IL2RB: variants seen among roughly 807,000 people sequenced by gnomAD.
The protein encoded by IL2RB is interleukin 2 receptor subunit beta, also known as interleukin-2 receptor subunit beta.
IL2RB carries 17 observed loss-of-function variants against 44.2 expected under a neutral mutation model. The ratio of observed to expected loss-of-function variants is 0.38; its 90% CI spans 0.26 to 0.58. The LOEUF is 0.58. Among genes scored for constraint, IL2RB ranks in the 20% least tolerant of loss-of-function variants. The pLI, the probability that IL2RB is intolerant of heterozygous loss-of-function variation, is 0.63. For missense variants in IL2RB, 624 were observed against 685.5 expected, an observed-to-expected ratio of 0.91 and a Z score of 1.00; for synonymous variants, 286 against 297.9, an observed-to-expected ratio of 0.96 and a Z score of 0.41.
intron 6 of IL2RB, 114 bp from the exon 7 acceptor site, chr22:37,136,507 C>T: frequency 4.4e-6 from 5 of 1,143,638 alleles, no homozygotes; most frequent in Non-Finnish European, 6.0e-6. Flanking sequence ...CACTTCCTTG[C>T]CACCCAAAGC....
At chr22:37,143,745 G>T (rs949607894) in intron 2 of IL2RB, 110 bp from the exon 3 acceptor site, 1 of 792,436 alleles carries the variant, frequency 1.3e-6, no homozygotes. Context: ...GAGGAGGTGG[G>T]TAACTCTGGC....
chr22:37,158,278 G>A (rs940774375), intron 1 of IL2RB, among the ~76,000 whole-genome samples: 21 of 151,976 alleles, frequency 1.4e-4, no homozygotes, highest in Admixed American at 8.5e-4. Context: ...GGCTGGGCGC[G>A]GTGGCTTATG....
intron 5 of IL2RB, 108 bp downstream of exon 5, chr22:37,139,009 G>C (rs1398880940): frequency 1.4e-6 from 1 of 717,584 alleles, no homozygotes; most frequent in Non-Finnish European, 2.5e-6. Context: ...TCAGATGTGG[G>C]TGTGGAAGCT....
intron 9 of IL2RB, among the ~76,000 whole-genome samples, chr22:37,132,072 A>G (rs1369846476): frequency 6.6e-6 from 1 of 152,142 alleles, no homozygotes; most frequent in Non-Finnish European, 1.5e-5. Context: ...GTGCCAGGCA[A>G]TGTACTCAGG....
intron 1 of IL2RB, among the ~76,000 whole-genome samples, chr22:37,158,130 C>T (rs1404970068): frequency 6.6e-6 from 1 of 152,140 alleles, no homozygotes; most frequent in Non-Finnish European, 1.5e-5. Flanking sequence ...ATGTTGAACA[C>T]GTGTGTACAA....
chr22:37,159,930 C>T (rs1818116665), intron 1 of IL2RB, among the ~76,000 whole-genome samples: 1 of 152,368 alleles, frequency 6.6e-6, no homozygotes, highest in Admixed American at 6.5e-5. Flanking sequence ...CACATAGTGC[C>T]CAGCCTTGTT....
In IL2RB at chr22:37,126,551, A is replaced by C. The variant is rs1921120382; in HGVS notation, c.*1545T>G. The C allele has an allele frequency of 6.6e-6, 1 of 152,196 alleles. No individual in the cohort carries two copies. The highest frequency in any genetic ancestry group is 1.5e-5 in the Non-Finnish European group (1 of 68,042). 9.4% of individuals were successfully genotyped at this position (152,196 alleles called of 1,614,324 possible). On this transcript the variant is annotated 3_prime_UTR_variant, in exon 10 of 10. Coordinates refer to ENST00000216223, the MANE Select transcript of IL2RB (RefSeq NM_000878.5). ...TGATTGGCTAGTTCAGGCCCAGCCT[A>C]CCTGATTGGACAGAGCTTGGTGCCA...
intron 1 of IL2RB, among the ~76,000 whole-genome samples, chr22:37,148,453 G>A (rs537125705): frequency 8.5e-5 from 13 of 152,286 alleles, no homozygotes; most frequent in African/African-American, 2.9e-4. Context: ...CACGTGCCCT[G>A]TCGTTCATGA....
intron 9 of IL2RB, among the ~76,000 whole-genome samples, chr22:37,131,541 A>G (rs966429419): frequency 6.6e-6 from 1 of 152,198 alleles, no homozygotes; most frequent in African/African-American, 2.4e-5. Flanking sequence ...GCACTTTAAA[A>G]ATGAATCGGT....
chr22:37,139,992 G>A (rs1371109115), intron 4 of IL2RB, among the ~76,000 whole-genome samples: 3 of 152,204 alleles, frequency 2.0e-5, no homozygotes, highest in African/African-American at 4.8e-5. Flanking sequence ...GAGGGCTGCC[G>A]AGTGAGCAGC....
chr22:37,139,660 C>A (rs1310878807), intron 4 of IL2RB, among the ~76,000 whole-genome samples: 6 of 152,160 alleles, frequency 3.9e-5, no homozygotes, highest in Admixed American at 3.9e-4. Context: ...AGTTCTGGAA[C>A]TATACCTGTT....
In IL2RB at chr22:37,167,420, A is replaced by G. The variant is rs779303246; in HGVS notation, c.-34+7538T>C. On this transcript the variant is annotated intron_variant, in intron 1 of 5. Transcript: ENST00000429622. ...CAGCGACTGCCCTTGTAAAGTGAAA[A>G]TCCGACCCCACCCAACATTTCCTGC... 2.4e-4 allele frequency among the ~76,000 whole-genome samples: 37 copies of G among 151,934 alleles called. 1 individual carries two copies. The highest frequency in any genetic ancestry group is 4.4e-5 in the Non-Finnish European group (3 of 67,982).
rs228953 is a variant in IL2RB at position 37,135,396 on chromosome 22, G to A, written c.750C>T (p.Gly250=). 0.43 allele frequency: 695,755 copies of A among 1,612,546 alleles called. 151,103 individuals are homozygous for A. The highest frequency in any genetic ancestry group is 0.44 in the East Asian group (19,636 of 44,832). ...TIPWLGHLLV[G]LSGAFGFIIL... ...TGATGAAGCCAAAAGCCCCGCTGAG[G>A]CCCACGAGGAGGTGGCCGAGCCACG... Residue 250 remains glycine (G), a synonymous_variant, in exon 8 of 10, where the codon GGC becomes GGT. Transcript: ENST00000216223.
At chr22:37,174,549 C>T (rs1428828086) in intron 1 of IL2RB, among the ~76,000 whole-genome samples, 2 of 152,180 alleles carry the variant, frequency 1.3e-5, no homozygotes, top group African/African-American at 4.8e-5. Flanking sequence ...TATGCTTGTA[C>T]AGAACAAACC....
intron 2 of IL2RB, 88 bp from the exon 3 acceptor site, chr22:37,143,723 C>T (rs1922084075): frequency 3.3e-6 from 3 of 920,732 alleles, no homozygotes; most frequent in Non-Finnish European, 3.6e-6. Flanking sequence ...CTGGCACCCA[C>T]ACCTGCCAGA....
rs550699593 is a variant in IL2RB at position 37,140,056 on chromosome 22, G to A, written c.283-834C>T. On this transcript the variant is annotated intron_variant, in intron 4 of 9. Transcript: ENST00000216223. Reference sequence around the variant, plus strand: ...CAACCCTACAGCCCGGCAGCCCTGCGGGAGGAAGCTCTAGTGCAGGCCTCT... The same window carrying A: ...CAACCCTACAGCCCGGCAGCCCTGCAGGAGGAAGCTCTAGTGCAGGCCTCT... 4.6e-5 allele frequency among the ~76,000 whole-genome samples: 7 copies of A among 152,326 alleles called. No individual in the cohort carries two copies. The East Asian group carries it at 1.2e-3, about 25-fold the overall frequency.
At chr22:37,147,844 A>G (rs1304176859) in intron 1 of IL2RB, among the ~76,000 whole-genome samples, 4 of 152,374 alleles carry the variant, frequency 2.6e-5, no homozygotes, top group South Asian at 2.1e-4. Context: ...GGATCCCCCA[A>G]TAGCAGAGGG....
rs752201385 is a variant in IL2RB, at chr22:37,141,890, G to T, written c.282+544C>A. On this transcript the variant is annotated intron_variant, in intron 4 of 9. Transcript: ENST00000216223. The surrounding 1 kb of genome is among the most constrained non-coding windows in gnomAD (Gnocchi z 4.4). ...GGTGAGGTCCCACCTTCAGGCTGGG[G>T]AGGGCCTGAAAAACAAGGCCCTTGT... 6.6e-5 allele frequency among the ~76,000 whole-genome samples: 10 copies of T among 152,306 alleles called. No homozygotes were observed. In the Middle Eastern group the frequency reaches 0.014, roughly 207 times the overall value.
chr22:37,172,216 A>G (rs933373522), intron 1 of IL2RB, among the ~76,000 whole-genome samples: 1 of 69,306 alleles, frequency 1.4e-5, no homozygotes, highest in African/African-American at 1.3e-4. Context: ...AAGGTAAAGT[A>G]AAAAAAAAAA....
Sources: gnomAD v4.1 joint callset for allele counts (sites outside exome capture counted in the v4.1 genomes callset) on GRCh38, gnomAD v4.1.1 for gene constraint, Gnocchi (gnomAD v3.1) non-coding constraint, MANE v1.5 for transcripts, NCBI Gene and HGNC (gene_info 2026-07-23, HGNC 2026-07-21) for gene names.